Variants in GTF2A1L observed in about 807,000 individuals in gnomAD.
The protein encoded by GTF2A1L is general transcription factor IIA subunit 1 like.
In GTF2A1L, 48 loss-of-function variants were observed where a neutral mutation model predicts 49.7. The ratio of observed to expected loss-of-function variants is 0.97; its 90% CI spans 0.77 to 1.23. The LOEUF is 1.23. GTF2A1L is among the 50% of genes most tolerant of loss of function. The pLI is 0.00. For synonymous variants in GTF2A1L, 246 were observed against 193.5 expected, an observed-to-expected ratio of 1.27 and a Z score of -2.25; for missense variants, 736 against 564.8, an observed-to-expected ratio of 1.30 and a Z score of -3.07.
intron 6 of GTF2A1L, among the ~76,000 whole-genome samples, chr2:48,663,791 A>C (rs1678654271): frequency 6.6e-6 from 1 of 152,010 alleles, no homozygotes; most frequent in Non-Finnish European, 1.5e-5. Flanking sequence ...AGGCACACAC[A>C]ACCATACCTG....
chr2:48,657,176 G>T (rs1298058370), intron 6 of GTF2A1L, among the ~76,000 whole-genome samples: 1 of 152,136 alleles, frequency 6.6e-6, no homozygotes, highest in Non-Finnish European at 1.5e-5. Context: ...TCATGCTGAG[G>T]TTTGGGGTGT....
chr2:48,620,235 C>G (rs1238072532), intron 1 of GTF2A1L, among the ~76,000 whole-genome samples: 3 of 152,158 alleles, frequency 2.0e-5, no homozygotes, highest in Admixed American at 1.3e-4. Flanking sequence ...TAAATACTGA[C>G]ACAAAAGGCA....
In GTF2A1L at chr2:48,646,643, G is replaced by A. The variant is rs1677526468; in HGVS notation, c.579G>A (p.Val193=). 1 of 1,614,068 alleles carries A rather than the reference G, an allele frequency of 6.2e-7. No individual in the cohort carries two copies. The highest frequency in any genetic ancestry group is 1.3e-5 in the African/African-American group (1 of 75,010). The change falls in exon 6 of 9, where the codon GTG becomes GTA. Residue 193 remains valine (V), a synonymous_variant. Coordinates refer to ENST00000403751, the MANE Select transcript of GTF2A1L (RefSeq NM_006872.5). ...TTEKSQRIET[V]LQQPAILPSG... Reference sequence around the variant, plus strand: ...AAAAATCACAGAGAATTGAAACCGTGCTACAGCAACCCGCAATTCTACCTT... The same window carrying A: ...AAAAATCACAGAGAATTGAAACCGTACTACAGCAACCCGCAATTCTACCTT...
At chr2:48,658,663 A>G (rs981820597) in intron 6 of GTF2A1L, among the ~76,000 whole-genome samples, 22 of 151,782 alleles carry the variant, frequency 1.4e-4, no homozygotes, top group African/African-American at 4.4e-4. Flanking sequence ...TATTGATTCA[A>G]TTTCATAATT....
In GTF2A1L at chr2:48,646,666, C is replaced by G. The variant is rs150446677; in HGVS notation, c.602C>G (p.Pro201Arg). 2.7e-5 allele frequency: 44 copies of G among 1,613,996 alleles called. No individual in the cohort carries two copies. Among genetic ancestry groups the G allele is most frequent in the Non-Finnish European group, 3.6e-5 (43 of 1,180,020 alleles). Residue 201 changes from proline to arginine, a missense_variant, in exon 6 of 9, where the codon CCT becomes CGT. By Grantham distance (103) the Pro-to-Arg change is moderately radical. Transcript: ENST00000403751. Reference sequence around the variant, plus strand: ...GTGCTACAGCAACCCGCAATTCTACCTTCTGGGCCAGTAGATAGGAAACAC... The same window carrying G: ...GTGCTACAGCAACCCGCAATTCTACGTTCTGGGCCAGTAGATAGGAAACAC... ...ETVLQQPAIL[P>R]SGPVDRKHLE... is the part of the protein sequence containing the mutation.
At chr2:48,645,936 C>T (rs1375882767) in intron 5 of GTF2A1L, among the ~76,000 whole-genome samples, 1 of 149,160 alleles carries the variant, frequency 6.7e-6, no homozygotes, top group African/African-American at 2.4e-5. Context: ...GCATGAGCCA[C>T]CGCGCCTGGC....
chr2:48,651,292 G>A (rs1357473961), intron 6 of GTF2A1L, among the ~76,000 whole-genome samples: 1 of 152,064 alleles, frequency 6.6e-6, no homozygotes, highest in African/African-American at 2.4e-5. Context: ...TTCACGTTTG[G>A]CTGGAATTCA....
chr2:48,645,947 C>CTT (rs71399071), intron 5 of GTF2A1L, among the ~76,000 whole-genome samples: 40 of 144,354 alleles, frequency 2.8e-4, no homozygotes, highest in Non-Finnish European at 3.8e-4. Flanking sequence ...CGCGCCTGGC[C>CTT]TTTTTTTTTT....
chr2:48,643,251 A>T (rs1338272845), intron 4 of GTF2A1L, among the ~76,000 whole-genome samples: 1 of 152,178 alleles, frequency 6.6e-6, no homozygotes. Flanking sequence ...AAGGCAGAAG[A>T]TACATTTACA....
Position 48,669,721 on chromosome 2 carries a change from G to T in GTF2A1L, c.979-1G>T, listed in dbSNP as rs1558769696. 1.2e-6 allele frequency: 2 copies of T among 1,601,284 alleles called. No homozygotes were observed. The highest frequency in any genetic ancestry group is 1.7e-6 in the Non-Finnish European group (2 of 1,172,316). ...TTTATTGTATTTCTTTCTCTTTTTA[G>T]GATTCTAATTCTCAGGTGGATTTAA... On this transcript the variant is annotated splice_acceptor_variant, in intron 6 of 8. Coordinates refer to ENST00000403751, the MANE Select transcript of GTF2A1L (RefSeq NM_006872.5). LOFTEE classifies it high-confidence loss of function.
rs1234485515 is a variant in GTF2A1L, at chr2:48,659,873, C to T, written c.979-9849C>T. On this transcript the variant is annotated intron_variant, in intron 6 of 8. Transcript: ENST00000403751. Reference sequence around the variant, plus strand: ...TTCCTAACAGTTTGTTTTTGTGTGTCTGTGTGTATGGAAACTTTAGAATTT... The same window carrying T: ...TTCCTAACAGTTTGTTTTTGTGTGTTTGTGTGTATGGAAACTTTAGAATTT... Among the ~76,000 whole-genome samples, 2 of 151,918 alleles carry T rather than the reference C, an allele frequency of 1.3e-5. 1 individual carries two copies. Among genetic ancestry groups the T allele is most frequent in the African/African-American group, 4.8e-5 (2 of 41,374 alleles).
intron 6 of GTF2A1L, among the ~76,000 whole-genome samples, chr2:48,654,784 T>C (rs1048172131): frequency 2.6e-5 from 4 of 152,194 alleles, no homozygotes; most frequent in Non-Finnish European, 5.9e-5. Context: ...ACATTATGTA[T>C]CTAAAGCACT....
chr2:48,646,437 C>A lies in GTF2A1L; in HGVS notation c.389-16C>A. Reference sequence around the variant, plus strand: ...TAATTCTATTATACTTACAATTTTGCTTTCTCCTTTTTAAGGTCACCTTTA... The same window carrying A: ...TAATTCTATTATACTTACAATTTTGATTTCTCCTTTTTAAGGTCACCTTTA... On this transcript the variant is annotated splice_polypyrimidine_tract_variant and intron_variant, in intron 5 of 8. Coordinates refer to ENST00000403751, the MANE Select transcript of GTF2A1L (RefSeq NM_006872.5). The A allele has an allele frequency of 1.3e-6, 2 of 1,496,704 alleles. No individual in the cohort carries two copies. The highest frequency in any genetic ancestry group is 1.8e-6 in the Non-Finnish European group (2 of 1,126,610). The allele number at this position is 1,496,704 out of a possible 1,614,324, so 92.7% of individuals were successfully genotyped here.
At chr2:48,645,207 C>A in intron 5 of GTF2A1L, 90 bp downstream of exon 5, 1 of 1,140,770 alleles carries the variant, frequency 8.8e-7, no homozygotes, top group Non-Finnish European at 1.2e-6. Context: ...AAACTATATA[C>A]CAGAAGTTAT....
intron 3 of GTF2A1L, among the ~76,000 whole-genome samples, chr2:48,636,638 A>G (rs775004879): frequency 6.6e-6 from 1 of 152,164 alleles, no homozygotes; most frequent in African/African-American, 2.4e-5. Context: ...AATAGTTTTG[A>G]CCTTATAAAC....
chr2:48,652,776 C>A (rs188038517), intron 6 of GTF2A1L, among the ~76,000 whole-genome samples: 1,813 of 148,148 alleles, frequency 0.012, 19 homozygotes, highest in Admixed American at 0.029. Context: ...CGCACTGCAA[C>A]CCTTGCCTCC....
At chr2:48,644,575 AT>A (rs1476418254) in intron 4 of GTF2A1L, among the ~76,000 whole-genome samples, 4 of 152,206 alleles carry the variant, frequency 2.6e-5, no homozygotes, top group Non-Finnish European at 5.9e-5. Context: ...GTCAAAGGTC[AT>A]TTGTATTTTC....
chr2:48,620,202 C>T (rs1407453187), intron 1 of GTF2A1L, among the ~76,000 whole-genome samples: 1 of 152,112 alleles, frequency 6.6e-6, no homozygotes, highest in Non-Finnish European at 1.5e-5. Flanking sequence ...ATTAATTTCC[C>T]TTTTAAAAGG....
intron 3 of GTF2A1L, among the ~76,000 whole-genome samples, chr2:48,627,396 A>G (rs1676348508): frequency 6.9e-6 from 1 of 143,960 alleles, no homozygotes; most frequent in Non-Finnish European, 1.6e-5. Flanking sequence ...TACAGCATAC[A>G]TTGGTTATTT....
Sources: gnomAD v4.1 joint callset for allele counts (sites outside exome capture counted in the v4.1 genomes callset) on GRCh38, gnomAD v4.1.1 for gene constraint, MANE v1.5 for transcripts, NCBI Gene and HGNC (gene_info 2026-07-23, HGNC 2026-07-21) for gene names.